Variants in DNM3 observed in about 807,000 individuals in gnomAD.
The protein encoded by DNM3 is dynamin-3.
DNM3 carries 47 observed loss-of-function variants against 101.6 expected under a neutral mutation model. The observed-to-expected ratio is 0.46, with a 90% CI of 0.37 to 0.59. DNM3 has a LOEUF of 0.59. Ranked by LOEUF, DNM3 falls within the 20% of genes least tolerant of loss-of-function variation. The probability of loss-of-function intolerance (pLI) is 0.00; values close to 1 mark genes in which losing one functional copy is unlikely to be tolerated. For missense variants in DNM3, 849 were observed against 1,085.7 expected, an observed-to-expected ratio of 0.78 and a Z score of 3.06; for synonymous variants, 385 against 387.9, an observed-to-expected ratio of 0.99 and a Z score of 0.09.
At chr1:172,074,428 C>G (rs1372672871) in intron 11 of DNM3, among the ~76,000 whole-genome samples, 1 of 152,032 alleles carries the variant, frequency 6.6e-6, no homozygotes, top group Non-Finnish European at 1.5e-5. Flanking sequence ...AACCTGTTGT[C>G]TATATTAGGT....
chr1:172,063,894 C>T (rs1286074605), intron 10 of DNM3, among the ~76,000 whole-genome samples: 3 of 151,884 alleles, frequency 2.0e-5, no homozygotes, highest in Non-Finnish European at 4.4e-5. Flanking sequence ...ATAATATAAG[C>T]ATCAAATCCT....
At chr1:171,923,451 A>G (rs1049299364) in intron 2 of DNM3, among the ~76,000 whole-genome samples, 1 of 150,948 alleles carries the variant, frequency 6.6e-6, no homozygotes, top group Non-Finnish European at 1.5e-5. Context: ...TTTCTATTTT[A>G]TAGGCCCTTT....
intron 1 of DNM3, among the ~76,000 whole-genome samples, chr1:171,860,304 G>A (rs2034038975): frequency 6.6e-6 from 1 of 152,004 alleles, no homozygotes; most frequent in South Asian, 2.1e-4. Flanking sequence ...TATAAATTTT[G>A]TGAACTTTAA....
downstream of DNM3, among the ~76,000 whole-genome samples, chr1:172,414,232 T>C (rs1000553031): frequency 2.6e-5 from 4 of 152,222 alleles, no homozygotes; most frequent in African/African-American, 9.6e-5. Context: ...TTTTCAGACC[T>C]GTTACTAGTA....
intron 13 of DNM3, among the ~76,000 whole-genome samples, chr1:172,105,931 T>C (rs2054981231): frequency 6.6e-6 from 1 of 152,222 alleles, no homozygotes; most frequent in South Asian, 2.1e-4. Flanking sequence ...TGGAGTTTAC[T>C]GGATTCTCTA....
chr1:171,992,373 A>G (rs1379048560), intron 4 of DNM3, among the ~76,000 whole-genome samples: 1 of 152,132 alleles, frequency 6.6e-6, no homozygotes, highest in Non-Finnish European at 1.5e-5. Context: ...ATCAATATCC[A>G]CAAAGTCATT....
At chr1:172,057,978 C>G (rs187800103) in intron 10 of DNM3, among the ~76,000 whole-genome samples, 1 of 140,574 alleles carries the variant, frequency 7.1e-6, no homozygotes, top group African/African-American at 2.8e-5. Flanking sequence ...CACATAGGCT[C>G]AACATGAAAG....
intron 1 of DNM3, among the ~76,000 whole-genome samples, chr1:171,870,544 C>T (rs940814079): frequency 1.3e-5 from 2 of 151,918 alleles, no homozygotes; most frequent in African/African-American, 2.4e-5. Flanking sequence ...TTCTGCAAAA[C>T]GTTGGCCCTA....
At chr1:172,364,050 C>G (rs187075451) in intron 17 of DNM3, among the ~76,000 whole-genome samples, 1 of 151,936 alleles carries the variant, frequency 6.6e-6, no homozygotes, top group Non-Finnish European at 1.5e-5. Context: ...TACATGCTAT[C>G]TTTATGACAC....
At chr1:171,842,287 C>T (rs2031365844) in intron 1 of DNM3, among the ~76,000 whole-genome samples, 2 of 152,294 alleles carry the variant, frequency 1.3e-5, no homozygotes, top group South Asian at 4.1e-4. Context: ...GGCTTTATCC[C>T]CCGAGCCCCC....
At chr1:172,387,383 T>C (rs747889999) in intron 19 of DNM3, 24 bp downstream of exon 19, 6 of 1,589,800 alleles carry the variant, frequency 3.8e-6, no homozygotes, top group Non-Finnish European at 4.3e-6. Context: ...CCCGGCCGGG[T>C]GCGGTGGCTC....
At chr1:172,300,264 T>G (rs2064377602) in intron 15 of DNM3, among the ~76,000 whole-genome samples, 1 of 152,222 alleles carries the variant, frequency 6.6e-6, no homozygotes, top group African/African-American at 2.4e-5. Context: ...ATTATTTAAG[T>G]TCCCTATAAA....
intron 14 of DNM3, among the ~76,000 whole-genome samples, chr1:172,160,373 TAA>T (rs568743101): frequency 2.0e-5 from 3 of 152,038 alleles, no homozygotes; most frequent in African/African-American, 7.2e-5. Flanking sequence ...TTAACAACTG[TAA>T]AAAAAATTTC....
intron 14 of DNM3, among the ~76,000 whole-genome samples, chr1:172,227,932 G>T (rs1470091752): frequency 6.6e-6 from 1 of 152,012 alleles, no homozygotes; most frequent in Non-Finnish European, 1.5e-5. Flanking sequence ...GGTTATTACT[G>T]AAGTTTAGTA....
chr1:172,409,492 G>A lies in DNM3; in HGVS notation c.*1651G>A. On this transcript the variant is annotated 3_prime_UTR_variant, in exon 21 of 21. Transcript: ENST00000627582. ...AATTGGTAAAAATCAGAAAATACAAGATTTACATAAAGGTCATTTCAACTT... is the reference window on the plus strand; with the variant it reads ...AATTGGTAAAAATCAGAAAATACAAAATTTACATAAAGGTCATTTCAACTT... 1.0e-6 allele frequency: 1 copy of A among 984,044 alleles called. No individual in the cohort carries two copies. The highest frequency in any genetic ancestry group is 1.2e-6 in the Non-Finnish European group (1 of 828,834). The allele number at this position is 984,044 out of a possible 1,614,324, so 61.0% of individuals were successfully genotyped here. A position where few individuals can be genotyped will look rare whatever the true frequency, so the allele number is the denominator to read the frequency against.
chr1:172,402,858 T>C (rs1195926956), intron 20 of DNM3, among the ~76,000 whole-genome samples: 2 of 152,204 alleles, frequency 1.3e-5, no homozygotes, highest in African/African-American at 4.8e-5. Context: ...TTTCCAGCAC[T>C]TTCTCTTTTT....
At chr1:172,125,755 CAG>C (rs2056586192) in intron 13 of DNM3, among the ~76,000 whole-genome samples, 2 of 152,124 alleles carry the variant, frequency 1.3e-5, no homozygotes, top group African/African-American at 4.8e-5. Flanking sequence ...ATACTCAAAA[CAG>C]AATTTGATAT....
intron 17 of DNM3, among the ~76,000 whole-genome samples, chr1:172,327,214 C>T (rs1433933634): frequency 1.3e-5 from 2 of 152,112 alleles, no homozygotes; most frequent in East Asian, 1.9e-4. Flanking sequence ...TTTCCTAACA[C>T]GTTCAGCAAG....
chr1:172,021,211 C>T (rs543234155), intron 4 of DNM3, among the ~76,000 whole-genome samples: 3 of 152,342 alleles, frequency 2.0e-5, no homozygotes, highest in African/African-American at 7.2e-5. Context: ...TGGCTCATGC[C>T]TGTAATCTCA....
Sources: gnomAD v4.1 joint callset for allele counts (sites outside exome capture counted in the v4.1 genomes callset) on GRCh38, gnomAD v4.1.1 for gene constraint, MANE v1.5 for transcripts, NCBI Gene and HGNC (gene_info 2026-07-23, HGNC 2026-07-21) for gene names.